The following NUDT9 variants were observed in gnomAD, a reference collection of about 807,000 sequenced individuals.
NUDT9 encodes ADP-ribose pyrophosphatase.
Under a neutral mutation model 41.0 loss-of-function variants are expected in NUDT9, and 31 were observed. That is an observed-to-expected ratio of 0.76 (90% CI 0.57 to 1.02). The LOEUF is 1.02. Among genes scored for constraint, NUDT9 ranks in the 50% least tolerant of loss-of-function variants. The probability of loss-of-function intolerance (pLI) is 0.00; values close to 1 mark genes in which losing one functional copy is unlikely to be tolerated. For missense variants in NUDT9, 380 were observed against 431.4 expected (o/e 0.88, Z 1.06); for synonymous variants, 146 against 147.6 (o/e 0.99, Z 0.08).
At chr4:87,427,224 T>A (rs1034465382) in intron 1 of NUDT9, among the ~76,000 whole-genome samples, 1 of 151,620 alleles carries the variant, frequency 6.6e-6, no homozygotes, top group Non-Finnish European at 1.5e-5. Flanking sequence ...CACATAGCAA[T>A]CACTATATAC....
At chr4:87,445,702 A>G (rs976744443) in intron 4 of NUDT9, among the ~76,000 whole-genome samples, 4 of 152,184 alleles carry the variant, frequency 2.6e-5, no homozygotes, top group African/African-American at 9.7e-5. Context: ...AATATTACTG[A>G]TATTCAGTAA....
intron 1 of NUDT9, among the ~76,000 whole-genome samples, chr4:87,431,125 A>G (rs1242390711): frequency 6.6e-6 from 1 of 152,188 alleles, no homozygotes; most frequent in Admixed American, 6.5e-5. Context: ...ATATGGTGAA[A>G]GGTAAGGGTC....
At chr4:87,426,576 A>AT (rs927324732) in intron 1 of NUDT9, among the ~76,000 whole-genome samples, 21 of 151,330 alleles carry the variant, frequency 1.4e-4, no homozygotes, top group African/African-American at 3.6e-4. Context: ...TGCCTAGCTA[A>AT]TTTTTTTGTA....
chr4:87,436,464 C>T (rs1430376715), intron 2 of NUDT9, among the ~76,000 whole-genome samples: 1 of 152,124 alleles, frequency 6.6e-6, no homozygotes, highest in Non-Finnish European at 1.5e-5. Context: ...GTGTGTGCCA[C>T]CATGCCTGGC....
At chr4:87,457,762 TTAAA>T in intron 7 of NUDT9, 77 bp from the exon 8 acceptor site, 1 of 1,281,354 alleles carries the variant, frequency 7.8e-7, no homozygotes, top group East Asian at 2.5e-5. Context: ...TAAGATTATT[TTAAA>T]TAAGAATACT....
At chr4:87,434,910 C>A in intron 1 of NUDT9, 71 bp from the exon 2 acceptor site, 1 of 1,381,440 alleles carries the variant, frequency 7.2e-7, no homozygotes, top group Non-Finnish European at 9.9e-7. Flanking sequence ...TAAGCCACTG[C>A]ACCCGGCCTA....
intron 2 of NUDT9, among the ~76,000 whole-genome samples, chr4:87,435,606 T>A (rs879872862): frequency 6.6e-6 from 1 of 152,164 alleles, no homozygotes; most frequent in Non-Finnish European, 1.5e-5. Context: ...TAGCTAGACT[T>A]GTGAAAATAT....
In NUDT9 at chr4:87,438,277, T is replaced by C. The variant is rs753396128; in HGVS notation, c.348T>C (p.Ser116=). 1.4e-5 allele frequency: 22 copies of C among 1,562,524 alleles called. No homozygotes were observed. The East Asian group carries it at 4.7e-4, about 34-fold the overall frequency. ...TTTTACATTGGTATTCTCATTACAG[T>C]GAAAGTAATTTTTCTCCCAAGTTTA... ...AGPRWADPQI[S]ESNFSPKFNE... The change falls in exon 3 of 8, where the codon AGT becomes AGC. Residue 116 remains serine (S), a splice_region_variant and synonymous_variant. Transcript: ENST00000302174.
chr4:87,428,514 C>T (rs941218323), intron 1 of NUDT9, among the ~76,000 whole-genome samples: 3 of 134,948 alleles, frequency 2.2e-5, no homozygotes, highest in African/African-American at 6.0e-5. Context: ...AAATAAACTG[C>T]GGTACATCCA....
intron 2 of NUDT9, among the ~76,000 whole-genome samples, chr4:87,436,792 T>C (rs561499472): frequency 3.9e-4 from 60 of 152,330 alleles, no homozygotes; most frequent in African/African-American, 1.4e-3. Context: ...CCACAGATAT[T>C]TCTTTGCTCA....
At position 87,454,398 on chromosome 4, in the gene NUDT9, C is replaced by T. The variant is rs746699081; in HGVS notation, c.817C>T (p.Arg273Ter). ...ATATAAGGGATATGTTGATGATCCT[C>T]GAAACACTGATAATGCATGGATGGA... ...VIYKGYVDDP[R>*]NTDNAWMETE... The change falls in exon 7 of 8, where the codon CGA (arginine) becomes TGA (stop). Residue 273 changes from arginine (R) to a stop codon, truncating the protein, a stop_gained. Coordinates refer to ENST00000302174, the MANE Select transcript of NUDT9 (RefSeq NM_024047.5). LOFTEE classifies it high-confidence loss of function. 8.7e-6 allele frequency: 14 copies of T among 1,611,636 alleles called. No individual in the cohort carries two copies. The highest frequency in any genetic ancestry group is 4.0e-5 in the African/African-American group (3 of 74,850).
intron 7 of NUDT9, among the ~76,000 whole-genome samples, chr4:87,457,312 T>G (rs964847179): frequency 6.7e-6 from 1 of 148,738 alleles, no homozygotes; most frequent in Non-Finnish European, 1.5e-5. Flanking sequence ...CTTGGCTCAC[T>G]GCAACCTCCA....
chr4:87,431,288 A>G (rs1031860828), intron 1 of NUDT9, among the ~76,000 whole-genome samples: 2 of 152,110 alleles, frequency 1.3e-5, no homozygotes, highest in African/African-American at 2.4e-5. Flanking sequence ...CCACTAGTCT[A>G]TATGTCTTTC....
At position 87,437,751 on chromosome 4, in the gene NUDT9, G is replaced by A. The variant is rs567794115; in HGVS notation, c.348-526G>A. 9.9e-5 allele frequency among the ~76,000 whole-genome samples: 15 copies of A among 152,258 alleles called. No individual in the cohort carries two copies. The East Asian group carries it at 1.9e-3, about 20-fold the overall frequency. ...CAAGATCTAGAACATTTCCAGCATA[G>A]TATGTCTGTTTTTAATTTACATCAT... On this transcript the variant is annotated intron_variant, in intron 2 of 7. Coordinates refer to ENST00000302174, the MANE Select transcript of NUDT9 (RefSeq NM_024047.5).
intron 1 of NUDT9, among the ~76,000 whole-genome samples, chr4:87,431,381 T>G (rs961186915): frequency 6.6e-6 from 1 of 152,228 alleles, no homozygotes; most frequent in African/African-American, 2.4e-5. Context: ...CTTTCAAGAT[T>G]GTCTTGGCTA....
At chr4:87,428,103 T>A (rs1721514029) in intron 1 of NUDT9, among the ~76,000 whole-genome samples, 1 of 152,186 alleles carries the variant, frequency 6.6e-6, no homozygotes, top group Admixed American at 6.5e-5. Flanking sequence ...GTTACACTAG[T>A]TTTCAGCCCG....
intron 4 of NUDT9, chr4:87,445,376 C>A (rs772717632): frequency 6.6e-6 from 1 of 152,140 alleles, no homozygotes; most frequent in Non-Finnish European, 1.5e-5. Flanking sequence ...CAAGATTTCA[C>A]CCCCCTTTCT....
chr4:87,433,087 T>G (rs1439014077), intron 1 of NUDT9, among the ~76,000 whole-genome samples: 1 of 152,220 alleles, frequency 6.6e-6, no homozygotes, highest in African/African-American at 2.4e-5. Flanking sequence ...GATTCTTCTT[T>G]AAATGTTTGG....
At chr4:87,435,492 G>C (rs1721888244) in intron 2 of NUDT9, among the ~76,000 whole-genome samples, 1 of 152,162 alleles carries the variant, frequency 6.6e-6, no homozygotes, top group Admixed American at 6.5e-5. Flanking sequence ...TGAAATAACA[G>C]CTGGTACTGT....
Sources: allele counts gnomAD v4.1 joint callset (sites outside exome capture counted in the v4.1 genomes callset), GRCh38; gene constraint gnomAD v4.1.1; transcripts MANE v1.5; gene names NCBI Gene and HGNC (gene_info 2026-07-23, HGNC 2026-07-21).